Variants in SLC12A8 observed in about 807,000 individuals in gnomAD.
The protein encoded by SLC12A8 is cation-chloride cotransporter 9.
Under a neutral mutation model 75.6 loss-of-function variants are expected in SLC12A8, and 69 were observed. The ratio of observed to expected loss-of-function variants is 0.91; its 90% CI spans 0.75 to 1.11. The LOEUF is 1.11. SLC12A8 is among the 50% of genes most tolerant of loss of function. The pLI is 0.00. For synonymous variants in SLC12A8, 365 were observed against 372.8 expected (o/e 0.98, Z 0.24); for missense variants, 877 against 896.7 (o/e 0.98, Z 0.28).
intron 8 of SLC12A8, among the ~76,000 whole-genome samples, chr3:125,113,663 G>T (rs1939239537): frequency 1.3e-5 from 2 of 152,338 alleles, no homozygotes; most frequent in South Asian, 4.1e-4. Context: ...GAGCAGAGGT[G>T]TGTCAACAGC....
chr3:125,139,866 T>C (rs1347935819), intron 5 of SLC12A8, among the ~76,000 whole-genome samples: 1 of 152,214 alleles, frequency 6.6e-6, no homozygotes, highest in Non-Finnish European at 1.5e-5. Flanking sequence ...GTCTGATGAA[T>C]ACCATGGTCC....
chr3:125,209,719 G>T (rs1012981598), intron 2 of SLC12A8, among the ~76,000 whole-genome samples: 1 of 152,252 alleles, frequency 6.6e-6, no homozygotes. Context: ...CAGTGACACA[G>T]GATGCTGTGG....
At position 125,107,555 on chromosome 3, in the gene SLC12A8, C is replaced by T. The variant is rs750814723; in HGVS notation, c.1631G>A (p.Gly544Glu). ...CWNKQTSKSE[G>E]TQPEGTYGEQ... ...TCCATATGTTCCCTCAGGCTGAGTC[C>T]CTTCGCTCTTGGAAGTCTGCTTGTT... The change falls in exon 10 of 14, where the codon GGG becomes GAG. Residue 544 changes from glycine (G) to glutamate (E), a missense_variant. Gly to Glu is a moderately conservative substitution (Grantham distance 98). Coordinates refer to ENST00000469902, the MANE Select transcript of SLC12A8 (RefSeq NM_024628.6). The T allele has an allele frequency of 6.2e-7, 1 of 1,614,144 alleles. No individual in the cohort carries two copies. Among genetic ancestry groups the T allele is most frequent in the Non-Finnish European group, 8.5e-7 (1 of 1,180,020 alleles).
At position 125,177,883 on chromosome 3, in the gene SLC12A8, G is replaced by T. The variant is rs370076438; in HGVS notation, c.482C>A (p.Ser161Ter). 1 of 1,614,062 alleles carries T rather than the reference G, an allele frequency of 6.2e-7. No homozygotes were observed. Among genetic ancestry groups the T allele is most frequent in the Non-Finnish European group, 8.5e-7 (1 of 1,180,032 alleles). The change falls in exon 5 of 14, where the codon TCA becomes TAA. Residue 161 changes from serine (S) to a stop codon, truncating the protein, a stop_gained. Coordinates refer to ENST00000469902, the MANE Select transcript of SLC12A8 (RefSeq NM_024628.6). LOFTEE classifies it high-confidence loss of function. ...CAGCAAGGCCAGAAGCACCGCAACTGAAATTCCTCGCACAGCCCAGATATT... is the reference window on the plus strand; with the variant it reads ...CAGCAAGGCCAGAAGCACCGCAACTTAAATTCCTCGCACAGCCCAGATATT... ...LGNIWAVRGI[S>*]VAVLLALLGI...
rs566710061 is a variant in SLC12A8, at chr3:125,158,499, G to T, written c.622+19244C>A. Among the ~76,000 whole-genome samples the T allele has an allele frequency of 4.6e-5, 7 of 152,296 alleles. No homozygotes were observed. The South Asian group carries it at 1.5e-3, about 32-fold the overall frequency. ...GCCTCCCAAAGTGCTGGGATTATAG[G>T]TGTGAGCCACAGTGCCTGGGCCCCC... On this transcript the variant is annotated intron_variant, in intron 5 of 13. Coordinates refer to ENST00000469902, the MANE Select transcript of SLC12A8 (RefSeq NM_024628.6).
At chr3:125,175,659 TG>T (rs1183777389) in intron 5 of SLC12A8, among the ~76,000 whole-genome samples, 4 of 151,482 alleles carry the variant, frequency 2.6e-5, no homozygotes, top group Admixed American at 2.6e-4. Context: ...GGGACCTGAG[TG>T]GACTCTGTCT....
chr3:125,103,423 A>T (rs914179279), intron 10 of SLC12A8, among the ~76,000 whole-genome samples: 2 of 150,748 alleles, frequency 1.3e-5, no homozygotes, highest in Non-Finnish European at 2.9e-5. Context: ...CTGCTAATGT[A>T]CAAAGCTCTT....
chr3:125,150,757 C>T (rs1028649527), intron 5 of SLC12A8, among the ~76,000 whole-genome samples: 16 of 152,092 alleles, frequency 1.1e-4, no homozygotes, highest in African/African-American at 3.6e-4. Context: ...CACCGCAAGA[C>T]GAGGTTTGGA....
At chr3:125,087,195 A>G (rs929077484) in intron 13 of SLC12A8, among the ~76,000 whole-genome samples, 1 of 151,550 alleles carries the variant, frequency 6.6e-6, no homozygotes, top group African/African-American at 2.4e-5. Context: ...CTCGGGTTCA[A>G]GCGATTCTCC....
intron 5 of SLC12A8, among the ~76,000 whole-genome samples, chr3:125,141,337 G>C (rs1226946877): frequency 1.3e-5 from 2 of 152,284 alleles, no homozygotes; most frequent in East Asian, 3.9e-4. Flanking sequence ...GGCTCTTCAG[G>C]GCCCACCATC....
At chr3:125,137,571 G>A (rs773166261) in intron 5 of SLC12A8, among the ~76,000 whole-genome samples, 6 of 152,112 alleles carry the variant, frequency 3.9e-5, no homozygotes, top group Admixed American at 1.3e-4. Context: ...GCACATCTGA[G>A]CGGAGGGCTG....
intron 2 of SLC12A8, among the ~76,000 whole-genome samples, chr3:125,198,526 G>T (rs527409608): frequency 6.6e-6 from 1 of 152,004 alleles, no homozygotes; most frequent in Non-Finnish European, 1.5e-5. Context: ...CCAGCTACTC[G>T]GGAGGCTGAG....
chr3:125,149,218 C>G (rs548083747), intron 5 of SLC12A8, among the ~76,000 whole-genome samples: 15 of 152,324 alleles, frequency 9.8e-5, no homozygotes, highest in African/African-American at 3.1e-4. Context: ...GGGCAGCGCT[C>G]GCTCGCACTT....
At chr3:125,185,866 C>A (rs1388809258) in intron 4 of SLC12A8, among the ~76,000 whole-genome samples, 3 of 152,220 alleles carry the variant, frequency 2.0e-5, no homozygotes, top group Non-Finnish European at 4.4e-5. Flanking sequence ...GGACCAGGGC[C>A]CAAGTGGAAA....
At chr3:125,184,683 C>G (rs1333105719) in intron 4 of SLC12A8, among the ~76,000 whole-genome samples, 1 of 151,566 alleles carries the variant, frequency 6.6e-6, no homozygotes, top group Non-Finnish European at 1.5e-5. Flanking sequence ...CAACCGCACC[C>G]TAGAGGAAGG....
At chr3:125,138,328 G>C (rs1168360060) in intron 5 of SLC12A8, among the ~76,000 whole-genome samples, 1 of 152,174 alleles carries the variant, frequency 6.6e-6, no homozygotes, top group African/African-American at 2.4e-5. Flanking sequence ...TTGAACCCAG[G>C]AGGCAGAGGT....
chr3:125,153,422 T>A (rs771860635), intron 5 of SLC12A8, among the ~76,000 whole-genome samples: 18 of 152,214 alleles, frequency 1.2e-4, no homozygotes, highest in Non-Finnish European at 5.9e-5. Context: ...CTATATCTGA[T>A]GCCTTGTTTT....
intron 4 of SLC12A8, among the ~76,000 whole-genome samples, chr3:125,181,389 C>T (rs1417487796): frequency 1.3e-5 from 2 of 150,132 alleles, no homozygotes; most frequent in Admixed American, 6.6e-5. Context: ...ATCATGAGGT[C>T]AGGAGATCGA....
At position 125,211,292 on chromosome 3, in the gene SLC12A8, A is replaced by G. The variant is rs1935332741; in HGVS notation, c.51+7T>C. 6.2e-7 allele frequency: 1 copy of G among 1,612,960 alleles called. No individual in the cohort carries two copies. Among genetic ancestry groups the G allele is most frequent in the South Asian group, 1.1e-5 (1 of 91,068 alleles). On this transcript the variant is annotated splice_region_variant and intron_variant, in intron 2 of 13. Transcript: ENST00000469902. ...CCATCACAGACCCTGGCACATCCTG[A>G]GCCTACCTGCTGGGCTGCCTCATGG...
Sources: allele counts gnomAD v4.1 joint callset (sites outside exome capture counted in the v4.1 genomes callset), GRCh38; gene constraint gnomAD v4.1.1; transcripts MANE v1.5; gene names NCBI Gene and HGNC (gene_info 2026-07-23, HGNC 2026-07-21).